MARCHF1: variants seen among roughly 807,000 people sequenced by gnomAD.
The protein encoded by MARCHF1 is E3 ubiquitin-protein ligase MARCHF1.
A neutral mutation model predicts 54.2 loss-of-function variants in MARCHF1; 40 were observed. That is an observed-to-expected ratio of 0.74 (90% CI 0.57 to 0.96). MARCHF1 has a LOEUF of 0.96. MARCHF1 is among the 40% of genes least tolerant of loss of function. The pLI is 0.00. For synonymous variants in MARCHF1, 236 were observed against 236.3 expected (o/e 1.00, Z 0.01); for missense variants, 586 against 656.5 (o/e 0.89, Z 1.17).
intron 5 of MARCHF1, among the ~76,000 whole-genome samples, chr4:163,632,141 T>G (rs1343539899): frequency 6.6e-6 from 1 of 152,152 alleles, no homozygotes; most frequent in African/African-American, 2.4e-5. Flanking sequence ...TTGGTGGGAA[T>G]GTATGGTGCA....
chr4:163,829,717 C>T (rs1219892722), intron 4 of MARCHF1, among the ~76,000 whole-genome samples: 1 of 152,232 alleles, frequency 6.6e-6, no homozygotes, highest in African/African-American at 2.4e-5. Context: ...ACTGTTTCTG[C>T]CAGCATTACT....
At chr4:164,049,763 G>C (rs1359953643) in intron 2 of MARCHF1, among the ~76,000 whole-genome samples, 1 of 152,134 alleles carries the variant, frequency 6.6e-6, no homozygotes, top group Admixed American at 6.5e-5. Flanking sequence ...CTGCACACAT[G>C]TATACACACA....
At chr4:164,190,995 G>A (rs533798028) in intron 1 of MARCHF1, among the ~76,000 whole-genome samples, 3 of 152,170 alleles carry the variant, frequency 2.0e-5, no homozygotes, top group East Asian at 3.9e-4. Flanking sequence ...GCAAACACTC[G>A]GGAAATTATC....
chr4:163,621,009 T>A (rs1238794059), intron 5 of MARCHF1, among the ~76,000 whole-genome samples: 2 of 152,222 alleles, frequency 1.3e-5, no homozygotes, highest in Non-Finnish European at 2.9e-5. Context: ...AACTCTTTGC[T>A]TATTTAAAGT....
chr4:164,074,634 A>AT, intron 2 of MARCHF1, among the ~76,000 whole-genome samples: 1 of 152,282 alleles, frequency 6.6e-6, no homozygotes, highest in South Asian at 2.1e-4. Context: ...CCATGTAGTC[A>AT]TTTTAAAAGT....
chr4:164,165,593 T>A lies in MARCHF1; in HGVS notation c.-322-53931A>T, dbSNP rs139099870. The stretch of plus-strand genomic sequence containing the variant: ...ATGGCCATTTGAGCTGACTAAGATA[T>A]CTAGTTTTAATTTTCATTCTATTAA... On this transcript the variant is annotated intron_variant, in intron 1 of 9. Coordinates refer to ENST00000514618, the MANE Select transcript of MARCHF1 (RefSeq NM_001394959.1). Among the ~76,000 whole-genome samples, 798 of 152,074 alleles carry A rather than the reference T, an allele frequency of 5.2e-3. 29 individuals carry two copies. Among genetic ancestry groups the A allele is most frequent in the East Asian group, 0.01 (52 of 5,168 alleles).
chr4:163,683,070 A>G (rs1420066396), intron 5 of MARCHF1, among the ~76,000 whole-genome samples: 1 of 152,190 alleles, frequency 6.6e-6, no homozygotes, highest in Non-Finnish European at 1.5e-5. Flanking sequence ...TGCCTTTTCT[A>G]CTTTGCATAG....
chr4:164,181,797 C>A (rs1343033505), intron 1 of MARCHF1, among the ~76,000 whole-genome samples: 2 of 152,158 alleles, frequency 1.3e-5, no homozygotes, highest in Non-Finnish European at 1.5e-5. Flanking sequence ...ATTGTGGCAA[C>A]ACAGTCCATG....
At chr4:163,638,242 T>TA (rs34535913) in intron 5 of MARCHF1, among the ~76,000 whole-genome samples, 37,712 of 131,680 alleles carry the variant, frequency 0.29, 10,171 homozygotes, top group African/African-American at 0.71. Context: ...TAAAGTATAA[T>TA]AAAAAAAAAA....
At chr4:164,210,051 G>A (rs1421558325) in intron 1 of MARCHF1, among the ~76,000 whole-genome samples, 1 of 152,070 alleles carries the variant, frequency 6.6e-6, no homozygotes, top group East Asian at 1.9e-4. Flanking sequence ...TTATTGAACA[G>A]TACAAAAGAA....
At chr4:163,673,030 AATCAC>A (rs1441956724) in intron 5 of MARCHF1, among the ~76,000 whole-genome samples, 1 of 152,200 alleles carries the variant, frequency 6.6e-6, no homozygotes, top group East Asian at 1.9e-4. Context: ...CAAGATTCTT[AATCAC>A]ATCTGCAAAT....
At chr4:164,032,280 C>A (rs1218782716) in intron 2 of MARCHF1, among the ~76,000 whole-genome samples, 2 of 152,044 alleles carry the variant, frequency 1.3e-5, no homozygotes, top group African/African-American at 4.8e-5. Context: ...TTTCAAAAAA[C>A]CAGCTCTTGG....
At position 163,742,299 on chromosome 4, in the gene MARCHF1, G is replaced by A. The variant is rs114504615; in HGVS notation, c.112-41436C>T. Among the ~76,000 whole-genome samples, 1,136 of 151,790 alleles carry A rather than the reference G, an allele frequency of 7.5e-3. 8 individuals are homozygous for A. The highest frequency in any genetic ancestry group is 0.022 in the South Asian group (104 of 4,800). The stretch of plus-strand genomic sequence containing the variant: ...TCAATTATTGGCTAGTACTAAAAGG[G>A]ATTAACTCTTCTTTCCCTTTCTCTC... On this transcript the variant is annotated intron_variant, in intron 4 of 9. Coordinates refer to ENST00000514618, the MANE Select transcript of MARCHF1 (RefSeq NM_001394959.1).
intron 2 of MARCHF1, among the ~76,000 whole-genome samples, chr4:164,107,598 A>C (rs1755735079): frequency 6.6e-6 from 1 of 152,196 alleles, no homozygotes; most frequent in South Asian, 2.1e-4. Context: ...GCTGGGCTCA[A>C]GTAATCCACC....
rs3080975 is a variant in MARCHF1 at position 163,594,759 on chromosome 4, AACACAC to A, written c.1011-8836_1011-8831del. ...TCAGAATGGCTATTATCAAAACACA[AACACAC>A]ACACACACACACACACACACACCCA... is the stretch of plus-strand genomic sequence containing the variant. On this transcript the variant is annotated intron_variant, in intron 7 of 9. Transcript: ENST00000514618. 2.8e-3 allele frequency among the ~76,000 whole-genome samples: 186 copies of A among 65,690 alleles called. 1 individual carries two copies. Among genetic ancestry groups the A allele is most frequent in the African/African-American group, 7.0e-3 (172 of 24,620 alleles). 43.1% of individuals were successfully genotyped at this position (65,690 alleles called of 152,430 possible).
At chr4:163,834,279 C>CAA (rs568943357) in intron 4 of MARCHF1, among the ~76,000 whole-genome samples, 7 of 129,508 alleles carry the variant, frequency 5.4e-5, no homozygotes, top group African/African-American at 2.0e-4. Flanking sequence ...AAAAACCTGC[C>CAA]AAAAAAAAAA....
At chr4:163,808,877 C>A (rs1383242001) in intron 4 of MARCHF1, among the ~76,000 whole-genome samples, 1 of 152,060 alleles carries the variant, frequency 6.6e-6, no homozygotes, top group Non-Finnish European at 1.5e-5. Flanking sequence ...CCTGGAAATG[C>A]ATTTTAAGTA....
intron 4 of MARCHF1, among the ~76,000 whole-genome samples, chr4:163,758,556 G>T (rs934723934): frequency 1.3e-5 from 2 of 152,094 alleles, no homozygotes; most frequent in Non-Finnish European, 2.9e-5. Context: ...TCTTTTCCAT[G>T]GTTACCCACA....
intron 1 of MARCHF1, among the ~76,000 whole-genome samples, chr4:164,338,004 C>T (rs1270218271): frequency 6.6e-6 from 1 of 152,160 alleles, no homozygotes; most frequent in South Asian, 2.1e-4. Context: ...GTTGCTCTCA[C>T]AGAACTCTAA....
Sources: allele counts gnomAD v4.1 joint callset (sites outside exome capture counted in the v4.1 genomes callset), GRCh38; gene constraint gnomAD v4.1.1; transcripts MANE v1.5; gene names NCBI Gene and HGNC (gene_info 2026-07-23, HGNC 2026-07-21).